The following DEPDC1B variants were observed in gnomAD, a reference collection of about 807,000 sequenced individuals.
DEPDC1B encodes DEP domain-containing protein 1B.
In DEPDC1B, 51 loss-of-function variants were observed where a neutral mutation model predicts 66.5. The ratio of observed to expected loss-of-function variants is 0.77; its 90% CI spans 0.61 to 0.97. The LOEUF (loss-of-function observed/expected upper bound fraction) is 0.97. DEPDC1B is among the 50% of genes least tolerant of loss of function. The probability of loss-of-function intolerance (pLI) is 0.00; values close to 1 mark genes in which losing one functional copy is unlikely to be tolerated. For synonymous variants in DEPDC1B, 226 were observed against 223.6 expected, an observed-to-expected ratio of 1.01 and a Z score of -0.10; for missense variants, 552 against 637.1, an observed-to-expected ratio of 0.87 and a Z score of 1.44.
At chr5:60,630,673 A>C (rs1752904603) in intron 7 of DEPDC1B, 1 of 152,486 alleles carries the variant, frequency 6.6e-6, no homozygotes, top group Non-Finnish European at 1.5e-5. Flanking sequence ...AACTGCACTC[A>C]ACCCACTCAG....
At chr5:60,618,949 T>C (rs1752634797) in intron 7 of DEPDC1B, among the ~76,000 whole-genome samples, 1 of 152,292 alleles carries the variant, frequency 6.6e-6, no homozygotes, top group Non-Finnish European at 1.5e-5. Flanking sequence ...CATAATCAAG[T>C]GGGCTTCATC....
intron 2 of DEPDC1B, among the ~76,000 whole-genome samples, chr5:60,662,536 T>G (rs1402695687): frequency 6.6e-6 from 1 of 152,200 alleles, no homozygotes; most frequent in Non-Finnish European, 1.5e-5. Flanking sequence ...ACTGCTTTAG[T>G]CATGGCCCTC....
chr5:60,668,259 A>ATATATATATATAAAATGGATAT (rs1753947762), intron 2 of DEPDC1B, among the ~76,000 whole-genome samples: 6 of 37,910 alleles, frequency 1.6e-4, no homozygotes, highest in African/African-American at 4.0e-4. Flanking sequence ...AATGGATATT[A>ATATATATATATAAAATGGATAT]TATATATATA....
At chr5:60,656,514 G>A (rs1753580228) in intron 2 of DEPDC1B, among the ~76,000 whole-genome samples, 1 of 152,162 alleles carries the variant, frequency 6.6e-6, no homozygotes, top group African/African-American at 2.4e-5. Flanking sequence ...GTGGAGTACT[G>A]AAGTCCCCCA....
At chr5:60,627,093 C>T (rs1273416393) in intron 7 of DEPDC1B, among the ~76,000 whole-genome samples, 1 of 152,070 alleles carries the variant, frequency 6.6e-6, no homozygotes, top group Non-Finnish European at 1.5e-5. Flanking sequence ...TGTTGGAGTG[C>T]TACATTTTGT....
Position 60,654,187 on chromosome 5 carries a change from G to C in DEPDC1B, c.315-6654C>G, listed in dbSNP as rs1031570183. Reference sequence around the variant, plus strand: ...GGGAATTGCATTGAATTTGTAGATTGCTTTTGGTAGTACAGTCATTTTTAC... The same window carrying C: ...GGGAATTGCATTGAATTTGTAGATTCCTTTTGGTAGTACAGTCATTTTTAC... On this transcript the variant is annotated intron_variant, in intron 2 of 10. Coordinates refer to ENST00000265036, the MANE Select transcript of DEPDC1B (RefSeq NM_018369.3). 4.0e-5 allele frequency among the ~76,000 whole-genome samples: 6 copies of C among 148,976 alleles called. 1 individual carries two copies. Among genetic ancestry groups the C allele is most frequent in the Admixed American group, 6.7e-5 (1 of 15,036 alleles).
At chr5:60,675,729 C>A (rs997113305) in intron 2 of DEPDC1B, among the ~76,000 whole-genome samples, 1 of 152,058 alleles carries the variant, frequency 6.6e-6, no homozygotes, top group Admixed American at 6.6e-5. Context: ...TTCAGCCCCA[C>A]GGCTAGCATT....
At chr5:60,604,799 T>G (rs1752277185) in intron 8 of DEPDC1B, among the ~76,000 whole-genome samples, 1 of 152,170 alleles carries the variant, frequency 6.6e-6, no homozygotes. Flanking sequence ...ATGTGTATTT[T>G]ATATGCAGAA....
chr5:60,605,777 C>A lies in DEPDC1B; in HGVS notation c.978G>T (p.Lys326Asn). Reference sequence around the variant, plus strand: ...CCATCATCCTCATCAATAGCTGTAACTTTCTCCTATTTTCAGGAGGTAGGA... The same window carrying A: ...CCATCATCCTCATCAATAGCTGTAAATTTCTCCTATTTTCAGGAGGTAGGA... ...CLLLPPENRRKLQLLMRMMAR... is the reference protein window; with the variant it reads ...CLLLPPENRRNLQLLMRMMAR... The change falls in exon 8 of 11, where the codon AAG (lysine) becomes AAT (asparagine). Residue 326 changes from lysine to asparagine, a missense_variant. Lys to Asn is a moderately conservative substitution (Grantham distance 94, BLOSUM62 0). Transcript: ENST00000265036. 6.2e-7 allele frequency: 1 copy of A among 1,613,698 alleles called. No homozygotes were observed. Among genetic ancestry groups the A allele is most frequent in the Non-Finnish European group, 8.5e-7 (1 of 1,179,794 alleles).
chr5:60,699,514 T>G (rs1561398905), intron 1 of DEPDC1B, among the ~76,000 whole-genome samples: 1 of 142,888 alleles, frequency 7.0e-6, no homozygotes, highest in East Asian at 2.1e-4. Context: ...CCTGGCCAGC[T>G]CTTCATCTGG....
chr5:60,682,044 A>G (rs917167997), intron 2 of DEPDC1B, among the ~76,000 whole-genome samples: 2 of 152,172 alleles, frequency 1.3e-5, no homozygotes, highest in Non-Finnish European at 2.9e-5. Context: ...AGCAGAAGAA[A>G]AACTTTCTCG....
chr5:60,689,183 T>C lies in DEPDC1B; in HGVS notation c.49-1956A>G. On this transcript the variant is annotated intron_variant, in intron 1 of 10. Coordinates refer to ENST00000265036, the MANE Select transcript of DEPDC1B (RefSeq NM_018369.3). ...AATCCAGTTTCCTTCCACTACAAGA[T>C]GCCACTAGGCGGCAGGTGAACTGCC... The C allele has an allele frequency of 7.5e-6, 3 of 400,140 alleles. No homozygotes were observed. The Admixed American group carries it at 8.2e-5, about 11-fold the overall frequency. 24.8% of individuals were successfully genotyped at this position (400,140 alleles called of 1,614,324 possible). A position where few individuals can be genotyped will look rare whatever the true frequency, so the allele number is the denominator to read the frequency against.
chr5:60,698,666 ATTATT>A (rs1245299139), intron 1 of DEPDC1B, among the ~76,000 whole-genome samples: 16 of 109,410 alleles, frequency 1.5e-4, no homozygotes, highest in Non-Finnish European at 2.8e-4. Context: ...CAATCTCCTT[ATTATT>A]TTTTTTTTTT....
At chr5:60,633,464 A>G (rs1752970432) in intron 7 of DEPDC1B, among the ~76,000 whole-genome samples, 1 of 152,212 alleles carries the variant, frequency 6.6e-6, no homozygotes, top group Admixed American at 6.5e-5. Context: ...AGGCTTGGGA[A>G]AAAAGAGTAG....
At chr5:60,599,012 A>AT in intron 10 of DEPDC1B, 63 bp downstream of exon 10, 1 of 969,948 alleles carries the variant, frequency 1.0e-6, no homozygotes, top group Non-Finnish European at 1.3e-6. Flanking sequence ...CTATTAAAAT[A>AT]AAAAAAAAAA....
chr5:60,628,043 A>C (rs1752840797), intron 7 of DEPDC1B, among the ~76,000 whole-genome samples: 1 of 152,208 alleles, frequency 6.6e-6, no homozygotes, highest in Admixed American at 6.5e-5. Flanking sequence ...TAAACTGTGC[A>C]ATCAATCTGA....
chr5:60,643,178 A>C (rs1484473675), intron 5 of DEPDC1B, among the ~76,000 whole-genome samples: 2 of 152,362 alleles, frequency 1.3e-5, no homozygotes, highest in African/African-American at 4.8e-5. Flanking sequence ...CAATTATTTT[A>C]AGAATTACAA....
At chr5:60,621,613 ACATGGCT>A (rs372683766) in intron 7 of DEPDC1B, among the ~76,000 whole-genome samples, 1,887 of 152,242 alleles carry the variant, frequency 0.012, 15 homozygotes, top group Non-Finnish European at 0.021. Context: ...CAGCACACCA[ACATGGCT>A]CATGTATACA....
At chr5:60,609,492 C>G (rs1243159692) in intron 7 of DEPDC1B, among the ~76,000 whole-genome samples, 1 of 152,144 alleles carries the variant, frequency 6.6e-6, no homozygotes, top group Admixed American at 6.6e-5. Flanking sequence ...AAGTCTCTGC[C>G]GCACAATATT....
Sources: gnomAD v4.1 joint callset for allele counts (sites outside exome capture counted in the v4.1 genomes callset) on GRCh38, gnomAD v4.1.1 for gene constraint, MANE v1.5 for transcripts, NCBI Gene and HGNC (gene_info 2026-07-23, HGNC 2026-07-21) for gene names.